Variants in NRG3 observed in about 807,000 individuals in gnomAD.
The protein encoded by NRG3 is pro-neuregulin-3, membrane-bound isoform.
In NRG3, 31 loss-of-function variants were observed where a neutral mutation model predicts 66.9. That is an observed-to-expected ratio of 0.46 (90% CI 0.35 to 0.63). The LOEUF (loss-of-function observed/expected upper bound fraction) is 0.63. Among genes scored for constraint, NRG3 ranks in the 20% least tolerant of loss-of-function variants. The pLI, the probability that NRG3 is intolerant of heterozygous loss-of-function variation, is 0.00. For missense variants in NRG3, 910 were observed against 878.9 expected, an observed-to-expected ratio of 1.04 and a Z score of -0.45; for synonymous variants, 393 against 359.4, an observed-to-expected ratio of 1.09 and a Z score of -1.06.
chr10:82,796,807 A>T (rs971197823), intron 3 of NRG3, among the ~76,000 whole-genome samples: 10 of 152,122 alleles, frequency 6.6e-5, no homozygotes, highest in Admixed American at 2.6e-4. Flanking sequence ...AAGAGAGGAG[A>T]GGAATAGGGG....
chr10:82,565,297 G>T (rs549159402), intron 2 of NRG3, among the ~76,000 whole-genome samples: 1 of 152,206 alleles, frequency 6.6e-6, no homozygotes, highest in Non-Finnish European at 1.5e-5. Flanking sequence ...TGTACATGGA[G>T]AGTGAATATG....
chr10:82,349,238 T>A (rs2083241952), intron 1 of NRG3, among the ~76,000 whole-genome samples: 1 of 151,452 alleles, frequency 6.6e-6, no homozygotes. Context: ...TACAGATGGG[T>A]TTTTGGTGTG....
intron 1 of NRG3, among the ~76,000 whole-genome samples, chr10:81,959,592 A>G (rs1037147237): frequency 6.6e-6 from 1 of 151,760 alleles, no homozygotes; most frequent in Non-Finnish European, 1.5e-5. Flanking sequence ...TGCTTTTAGG[A>G]CCTTTTTATT....
At chr10:82,703,721 G>A (rs977055008) in intron 2 of NRG3, among the ~76,000 whole-genome samples, 2 of 152,138 alleles carry the variant, frequency 1.3e-5, no homozygotes, top group African/African-American at 4.8e-5. Context: ...TGGCCTAACT[G>A]TCTAAGCCGG....
At chr10:82,105,743 T>C (rs2067020404) in intron 1 of NRG3, among the ~76,000 whole-genome samples, 1 of 152,166 alleles carries the variant, frequency 6.6e-6, no homozygotes, top group African/African-American at 2.4e-5. Context: ...TACATGTCAA[T>C]ATGAAAATAG....
At chr10:82,293,027 A>C (rs1456769882) in intron 1 of NRG3, among the ~76,000 whole-genome samples, 2 of 152,212 alleles carry the variant, frequency 1.3e-5, no homozygotes, top group African/African-American at 2.4e-5. Flanking sequence ...TTGCGGCTGC[A>C]TGTCAATCTG....
At chr10:82,441,646 G>T (rs375945566) in intron 2 of NRG3, among the ~76,000 whole-genome samples, 2 of 152,110 alleles carry the variant, frequency 1.3e-5, no homozygotes, top group Non-Finnish European at 2.9e-5. Flanking sequence ...GAGGATCCCC[G>T]CAAATCTTTA....
chr10:82,631,437 A>T (rs2133726272), intron 2 of NRG3, among the ~76,000 whole-genome samples: 1 of 152,258 alleles, frequency 6.6e-6, no homozygotes, highest in East Asian at 1.9e-4. Context: ...CTAGTTCGGG[A>T]TTCCACCCTC....
At chr10:81,905,180 A>G (rs1172585010) in intron 1 of NRG3, among the ~76,000 whole-genome samples, 4 of 152,178 alleles carry the variant, frequency 2.6e-5, no homozygotes, top group Non-Finnish European at 5.9e-5. Context: ...TTAAGTGATC[A>G]CTGTTTCCAA....
At chr10:82,105,525 A>C (rs559958842) in intron 1 of NRG3, among the ~76,000 whole-genome samples, 2 of 152,244 alleles carry the variant, frequency 1.3e-5, no homozygotes, top group East Asian at 3.9e-4. Context: ...AAGTTGTTGA[A>C]AGATAAAAGT....
At chr10:81,991,456 G>T (rs2060737169) in intron 1 of NRG3, among the ~76,000 whole-genome samples, 1 of 152,136 alleles carries the variant, frequency 6.6e-6, no homozygotes, top group South Asian at 2.1e-4. Flanking sequence ...AAACCACAAT[G>T]ATTTGTGAAT....
intron 4 of NRG3, among the ~76,000 whole-genome samples, chr10:82,925,348 G>C (rs1229683735): frequency 6.6e-6 from 1 of 152,166 alleles, no homozygotes; most frequent in African/African-American, 2.4e-5. Context: ...ACTTTTTCTT[G>C]AACTTGAACT....
chr10:82,528,001 T>C (rs2132614308), intron 2 of NRG3, among the ~76,000 whole-genome samples: 1 of 152,296 alleles, frequency 6.6e-6, no homozygotes, highest in African/African-American at 2.4e-5. Flanking sequence ...GCAGCATCTC[T>C]GGTCTCTACC....
intron 1 of NRG3, among the ~76,000 whole-genome samples, 179 bp from the exon 2 acceptor site, chr10:82,358,560 T>C (rs970094335): frequency 2.0e-5 from 3 of 152,108 alleles, no homozygotes; most frequent in Non-Finnish European, 2.9e-5. Context: ...CAATTGAATA[T>C]AGTGGTTACA....
intron 2 of NRG3, among the ~76,000 whole-genome samples, chr10:82,699,587 A>G (rs890155253): frequency 6.6e-6 from 1 of 151,928 alleles, no homozygotes; most frequent in African/African-American, 2.4e-5. Flanking sequence ...CCCTTTATCT[A>G]ATACTTATTA....
intron 2 of NRG3, among the ~76,000 whole-genome samples, chr10:82,670,145 C>T (rs946878507): frequency 2.0e-5 from 3 of 152,054 alleles, no homozygotes; most frequent in Admixed American, 6.6e-5. Context: ...AACTCCTTGC[C>T]TTCTTTCACC....
chr10:81,971,575 G>A (rs1263526139), intron 1 of NRG3, among the ~76,000 whole-genome samples: 2 of 152,222 alleles, frequency 1.3e-5, no homozygotes, highest in Non-Finnish European at 2.9e-5. Context: ...CAGAATATAT[G>A]AAGCAAAGGT....
rs190846320 is a variant in NRG3 at position 82,307,043 on chromosome 10, T to C, written c.824-51696T>C. 3.7e-3 allele frequency among the ~76,000 whole-genome samples: 557 copies of C among 152,304 alleles called. 6 individuals are homozygous for C. Among genetic ancestry groups the C allele is most frequent in the African/African-American group, 0.013 (520 of 41,580 alleles). On this transcript the variant is annotated intron_variant, in intron 1 of 8. Coordinates refer to ENST00000372141, the MANE Select transcript of NRG3 (RefSeq NM_001010848.4). ...TTCTCGGTTAGTCATTAATTTCTTA[T>C]TTTATCACTTTTTTTGAAGAATACT...
intron 1 of NRG3, among the ~76,000 whole-genome samples, chr10:82,314,216 G>A (rs923355917): frequency 1.3e-5 from 2 of 152,102 alleles, no homozygotes; most frequent in Non-Finnish European, 1.5e-5. Flanking sequence ...TCTCTCATTA[G>A]CTTGACAACA....
Sources: gnomAD v4.1 joint callset for allele counts (sites outside exome capture counted in the v4.1 genomes callset) on GRCh38, gnomAD v4.1.1 for gene constraint, MANE v1.5 for transcripts, NCBI Gene and HGNC (gene_info 2026-07-23, HGNC 2026-07-21) for gene names.